The following ZNF723 variants were observed in gnomAD, a reference collection of about 807,000 sequenced individuals.
ZNF723 encodes zinc finger protein 723.
ZNF723 carries 5 observed loss-of-function variants against 9.4 expected under a neutral mutation model. The observed-to-expected ratio is 0.53, with a 90% CI of 0.28 to 1.12. The LOEUF (loss-of-function observed/expected upper bound fraction) is 1.12, where lower values mean the gene tolerates loss of function less well. ZNF723 is among the 50% of genes most tolerant of loss of function. The probability of loss-of-function intolerance (pLI) is 0.10; values close to 1 mark genes in which losing one functional copy is unlikely to be tolerated. For synonymous variants in ZNF723, 158 were observed against 168.8 expected, an observed-to-expected ratio of 0.94 and a Z score of 0.49; for missense variants, 450 against 501.5, an observed-to-expected ratio of 0.90 and a Z score of 0.98.
chr19:22,848,434 T>C, intron 2 of ZNF723, 47 bp downstream of exon 2: 1 of 1,245,926 alleles, frequency 8.0e-7, no homozygotes, highest in Non-Finnish European at 1.1e-6. Context: ...TAAATGTTTC[T>C]TTTTTTGGTG....
At chr19:22,844,812 C>T (rs1349841263) in intron 1 of ZNF723, among the ~76,000 whole-genome samples, 1 of 152,166 alleles carries the variant, frequency 6.6e-6, no homozygotes, top group East Asian at 1.9e-4. Flanking sequence ...TCAGCATTGA[C>T]AGGGGACTTA....
rs1214348571 is a variant in ZNF723, at chr19:22,845,889, CT to C, written c.4-2354del. Among the ~76,000 whole-genome samples, 1,200 of 124,318 alleles carry C rather than the reference CT, an allele frequency of 9.7e-3. 9 individuals carry two copies. The highest frequency in any genetic ancestry group is 0.016 in the African/African-American group (510 of 32,460). 81.6% of individuals were successfully genotyped at this position (124,318 alleles called of 152,430 possible). On this transcript the variant is annotated intron_variant, in intron 1 of 3. Transcript: ENST00000600766. Reference sequence around the variant, plus strand: ...AGGAGGAGATAGGGAAAAAATATGCCTTTTTTTTTTTTTTTTTTAGCTAAAC... The same window carrying C: ...AGGAGGAGATAGGGAAAAAATATGCCTTTTTTTTTTTTTTTTTAGCTAAAC...
the ZNF723 span, among the ~76,000 whole-genome samples, chr19:22,815,837 T>C: frequency 1.3e-5 from 2 of 152,184 alleles, no homozygotes; most frequent in East Asian, 3.9e-4. Context: ...AAAAGTGAGA[T>C]TGTGTTTCTT....
chr19:22,838,822 A>G (rs944381102), intron 1 of ZNF723, among the ~76,000 whole-genome samples: 2 of 152,010 alleles, frequency 1.3e-5, no homozygotes, highest in African/African-American at 2.4e-5. Context: ...ATCTCTGCTC[A>G]CCGCAACCTC....
chr19:22,828,576 C>T (rs1300405611), upstream of ZNF723, among the ~76,000 whole-genome samples: 1 of 152,074 alleles, frequency 6.6e-6, no homozygotes, highest in African/African-American at 2.4e-5. Context: ...TCGCTTGAAC[C>T]CAGGAGGCAG....
chr19:22,819,908 A>C, the ZNF723 span, among the ~76,000 whole-genome samples: 1 of 152,102 alleles, frequency 6.6e-6, no homozygotes, highest in African/African-American at 2.4e-5. Flanking sequence ...TGTGTGGGTC[A>C]AACACCTAGG....
At chr19:22,837,447 G>C (rs914014022) in intron 1 of ZNF723, among the ~76,000 whole-genome samples, 20 of 152,144 alleles carry the variant, frequency 1.3e-4, no homozygotes, top group South Asian at 1.2e-3. Context: ...GAATTCAAAT[G>C]TTAGACAGTG....
the ZNF723 span, among the ~76,000 whole-genome samples, chr19:22,824,092 T>C: frequency 6.6e-6 from 1 of 152,234 alleles, no homozygotes; most frequent in Non-Finnish European, 1.5e-5. Flanking sequence ...TTGCTTAAAC[T>C]AGCACATAAA....
intron 3 of ZNF723, among the ~76,000 whole-genome samples, chr19:22,854,159 A>C (rs1045705746): frequency 1.0e-5 from 1 of 97,568 alleles, no homozygotes; most frequent in Non-Finnish European, 2.0e-5. Flanking sequence ...TGAGATACAC[A>C]CACACACACA....
the ZNF723 span, among the ~76,000 whole-genome samples, chr19:22,813,843 G>T: frequency 6.7e-6 from 1 of 149,986 alleles, no homozygotes. Flanking sequence ...ATGGAGTGTT[G>T]CTCTGTTGCT....
intron 1 of ZNF723, among the ~76,000 whole-genome samples, chr19:22,846,140 T>G (rs1423575141): frequency 6.6e-6 from 1 of 152,038 alleles, no homozygotes; most frequent in Admixed American, 6.6e-5. Flanking sequence ...ATTCTCACCA[T>G]TAATTTATGA....
At position 22,858,218 on chromosome 19, in the gene ZNF723, C is replaced by A; in HGVS notation, c.1327C>A (p.His443Asn). 1 of 1,370,274 alleles carries A rather than the reference C, an allele frequency of 7.3e-7. No homozygotes were observed. The highest frequency in any genetic ancestry group is 1.7e-5 in the Admixed American group (1 of 59,408). 84.9% of individuals were successfully genotyped at this position (1,370,274 alleles called of 1,614,324 possible). Residue 443 changes from histidine (H) to asparagine (N), a missense_variant, in exon 4 of 4, where the codon CAT becomes AAT. His to Asn is a moderately conservative substitution (Grantham distance 68). Transcript: ENST00000600766. ...GFSQSSTLTK[H>N]KIIHTKEKPY... ...TAGCCAATCCTCAACCCTTACTAAA[C>A]ATAAGATAATTCATACTAAAGAGAA...
rs536435644 is a variant in ZNF723 at position 22,852,092 on chromosome 19, A to AT, written c.226+2807dup. Among the ~76,000 whole-genome samples, 8 of 152,058 alleles carry AT rather than the reference A, an allele frequency of 5.3e-5. No homozygotes were observed. The South Asian group carries it at 8.3e-4, about 16-fold the overall frequency. Reference sequence around the variant, plus strand: ...GTGTGAGCCACTGCGCCCAGCTAGAATTTTTTTTATAAAATCAAAATTGGT... The same window carrying AT: ...GTGTGAGCCACTGCGCCCAGCTAGAATTTTTTTTTATAAAATCAAAATTGGT... On this transcript the variant is annotated intron_variant, in intron 3 of 3. Transcript: ENST00000600766.
At chr19:22,825,257 C>G in the ZNF723 span, among the ~76,000 whole-genome samples, 1 of 152,122 alleles carries the variant, frequency 6.6e-6, no homozygotes, top group African/African-American at 2.4e-5. Context: ...GGACACCGTC[C>G]TTGGGTGGGA....
the ZNF723 span, among the ~76,000 whole-genome samples, chr19:22,825,226 G>A: frequency 6.6e-6 from 1 of 152,288 alleles, no homozygotes. Context: ...ACATGCCGGT[G>A]AGCCTGTGAC....
At chr19:22,845,981 C>T (rs1265342571) in intron 1 of ZNF723, among the ~76,000 whole-genome samples, 1 of 145,546 alleles carries the variant, frequency 6.9e-6, no homozygotes, top group Admixed American at 7.1e-5. Flanking sequence ...TACTTGCAAA[C>T]CTTTACTTCT....
At chr19:22,834,431 A>AT (rs200238794) in intron 1 of ZNF723, among the ~76,000 whole-genome samples, 55 of 145,848 alleles carry the variant, frequency 3.8e-4, no homozygotes, top group East Asian at 1.4e-3. Context: ...TTTTGGGGTA[A>AT]TTTTTTTTTT....
At chr19:22,830,569 G>A (rs1169705053), upstream of ZNF723, among the ~76,000 whole-genome samples, 1 of 151,884 alleles carries the variant, frequency 6.6e-6, no homozygotes, top group African/African-American at 2.4e-5. Context: ...TAATTCTCCA[G>A]TATTTCATGG....
chr19:22,838,966 C>T (rs368923849), intron 1 of ZNF723, among the ~76,000 whole-genome samples: 15 of 152,082 alleles, frequency 9.9e-5, no homozygotes, highest in African/African-American at 3.1e-4. Flanking sequence ...AGGCTGGTCT[C>T]GAACTCCTTA....
Sources: gnomAD v4.1 joint callset for allele counts (sites outside exome capture counted in the v4.1 genomes callset) on GRCh38, gnomAD v4.1.1 for gene constraint, MANE v1.5 for transcripts, NCBI Gene and HGNC (gene_info 2026-07-23, HGNC 2026-07-21) for gene names.